NCOA2: variants seen among roughly 807,000 people sequenced by gnomAD.
The protein encoded by NCOA2 is nuclear receptor coactivator 2.
In NCOA2, 21 loss-of-function variants were observed where a neutral mutation model predicts 145.1. The observed-to-expected ratio is 0.14, with a 90% CI of 0.10 to 0.21. The LOEUF is 0.21. NCOA2 is among the 10% of genes least tolerant of loss of function. The pLI, the probability that NCOA2 is intolerant of heterozygous loss-of-function variation, is 1.00. For missense variants in NCOA2, 1,472 were observed against 1,837.6 expected, an observed-to-expected ratio of 0.80 and a Z score of 3.64; for synonymous variants, 619 against 637.5, an observed-to-expected ratio of 0.97 and a Z score of 0.44.
intron 1 of NCOA2, among the ~76,000 whole-genome samples, chr8:70,372,670 G>T (rs549634754): frequency 6.6e-6 from 1 of 152,142 alleles, no homozygotes; most frequent in Non-Finnish European, 1.5e-5. Context: ...GTATAAATGT[G>T]TAAGTCTGGT....
chr8:70,331,566 T>C (rs1026425056), intron 1 of NCOA2, among the ~76,000 whole-genome samples: 4 of 152,184 alleles, frequency 2.6e-5, no homozygotes, highest in African/African-American at 9.6e-5. Context: ...TATTAATTTA[T>C]GTGAAACTTC....
chr8:70,449,766 C>T, the NCOA2 span, among the ~76,000 whole-genome samples: 6 of 152,332 alleles, frequency 3.9e-5, no homozygotes, highest in East Asian at 5.8e-4. Context: ...AGATCCAAGA[C>T]GTTCACATGG....
intron 11 of NCOA2, among the ~76,000 whole-genome samples, chr8:70,148,743 A>G (rs1811398518): frequency 6.6e-6 from 1 of 152,252 alleles, no homozygotes; most frequent in African/African-American, 2.4e-5. Context: ...GCTCTCTTCC[A>G]GCATTGTGAT....
chr8:70,288,262 G>A (rs190746326), intron 2 of NCOA2, among the ~76,000 whole-genome samples: 1 of 152,058 alleles, frequency 6.6e-6, no homozygotes, highest in East Asian at 1.9e-4. Flanking sequence ...AAAGAGGAAG[G>A]GTTATTTTTT....
intron 1 of NCOA2, among the ~76,000 whole-genome samples, chr8:70,363,991 G>T (rs1810443423): frequency 6.6e-6 from 1 of 150,672 alleles, no homozygotes; most frequent in African/African-American, 2.4e-5. Flanking sequence ...GCTATATGCA[G>T]TACAGGTGGG....
At chr8:70,399,397 T>C (rs1008080644) in intron 1 of NCOA2, among the ~76,000 whole-genome samples, 2 of 152,166 alleles carry the variant, frequency 1.3e-5, no homozygotes, top group Non-Finnish European at 2.9e-5. Context: ...GAAGGTTTTG[T>C]TCCATTTTCC....
At chr8:70,264,215 C>CAA (rs1042593308) in intron 2 of NCOA2, among the ~76,000 whole-genome samples, 1 of 134,984 alleles carries the variant, frequency 7.4e-6, no homozygotes, top group Non-Finnish European at 1.6e-5. Flanking sequence ...AACTCTGTCT[C>CAA]AAAAAAAAAA....
intron 2 of NCOA2, among the ~76,000 whole-genome samples, chr8:70,289,949 T>G (rs763432266): frequency 3.3e-5 from 5 of 152,062 alleles, no homozygotes; most frequent in Admixed American, 6.6e-5. Context: ...TCCTCCTGCC[T>G]CAAGGCTCCT....
rs542231722 is a variant in NCOA2 at position 70,227,973 on chromosome 8, C to A, written c.-19-11209G>T. ...GGAGGTCGCAGTGAGCCATTGCACT[C>A]CAGCCTGGGCGACAGAGTGAGACTC... On this transcript the variant is annotated intron_variant, in intron 2 of 22. Coordinates refer to ENST00000452400, the MANE Select transcript of NCOA2 (RefSeq NM_006540.4). Among the ~76,000 whole-genome samples, 4 of 147,828 alleles carry A rather than the reference C, an allele frequency of 2.7e-5. No homozygotes were observed. In the South Asian group the frequency reaches 8.5e-4, roughly 32 times the overall value.
the NCOA2 span, among the ~76,000 whole-genome samples, chr8:70,447,405 T>A: frequency 6.6e-6 from 1 of 152,198 alleles, no homozygotes; most frequent in East Asian, 1.9e-4. Flanking sequence ...AAAAAGATCA[T>A]GTAGCAAGCT....
rs951641256 is a variant in NCOA2 at position 70,333,931 on chromosome 8, T to C, written c.-76-37131A>G. Among the ~76,000 whole-genome samples, 9 of 152,300 alleles carry C rather than the reference T, an allele frequency of 5.9e-5. No homozygotes were observed. In the South Asian group the frequency reaches 1.7e-3, roughly 28 times the overall value. ...CCTTCCTTCCTTCCACTATTTCTTC[T>C]ACTTCAGGTTAATCCTCTCTTCTTT... On this transcript the variant is annotated intron_variant, in intron 1 of 22. Transcript: ENST00000452400.
intron 2 of NCOA2, among the ~76,000 whole-genome samples, chr8:70,277,050 C>T (rs369526323): frequency 2.6e-5 from 4 of 152,330 alleles, no homozygotes; most frequent in East Asian, 1.9e-4. Context: ...ACCTAGATTT[C>T]TCCACCTTGT....
At chr8:70,351,280 T>G (rs1235603953) in intron 1 of NCOA2, among the ~76,000 whole-genome samples, 1 of 152,124 alleles carries the variant, frequency 6.6e-6, no homozygotes, top group Non-Finnish European at 1.5e-5. Context: ...GAGTAATAGG[T>G]TATACATTTT....
intron 1 of NCOA2, among the ~76,000 whole-genome samples, chr8:70,325,681 G>A (rs1415115875): frequency 2.0e-5 from 3 of 152,154 alleles, no homozygotes; most frequent in Non-Finnish European, 2.9e-5. Flanking sequence ...GGGATTACAG[G>A]CGTGAGCTAT....
intron 2 of NCOA2, among the ~76,000 whole-genome samples, chr8:70,226,280 G>A (rs1399695230): frequency 1.3e-5 from 2 of 152,070 alleles, no homozygotes; most frequent in African/African-American, 4.8e-5. Context: ...AGGAGGGAGA[G>A]AGGAAAGAAA....
At chr8:70,130,550 T>TTTAC (rs1808974499) in intron 16 of NCOA2, among the ~76,000 whole-genome samples, 1 of 145,672 alleles carries the variant, frequency 6.9e-6, no homozygotes, top group African/African-American at 2.7e-5. Flanking sequence ...TCCTTTCTTA[T>TTTAC]TTCAGGTTAT....
At chr8:70,298,963 G>C (rs1161188682) in intron 1 of NCOA2, among the ~76,000 whole-genome samples, 1 of 152,100 alleles carries the variant, frequency 6.6e-6, no homozygotes, top group Non-Finnish European at 1.5e-5. Context: ...CGGAGGCTGA[G>C]GCAGGAGAAT....
At chr8:70,436,606 C>T in the NCOA2 span, among the ~76,000 whole-genome samples, 1 of 152,198 alleles carries the variant, frequency 6.6e-6, no homozygotes, top group African/African-American at 2.4e-5. Flanking sequence ...TTGTCAAAAT[C>T]CTTTATCCAC....
chr8:70,393,135 G>A (rs1295125327), intron 1 of NCOA2, among the ~76,000 whole-genome samples: 1 of 152,168 alleles, frequency 6.6e-6, no homozygotes, highest in African/African-American at 2.4e-5. Context: ...GCCCCAGAAA[G>A]CCTTCCCTTG....
Sources: gnomAD v4.1 joint callset for allele counts (sites outside exome capture counted in the v4.1 genomes callset) on GRCh38, gnomAD v4.1.1 for gene constraint, MANE v1.5 for transcripts, NCBI Gene and HGNC (gene_info 2026-07-23, HGNC 2026-07-21) for gene names.